FBN2: variants seen among roughly 807,000 people sequenced by gnomAD.
The protein encoded by FBN2 is fibrillin 2, also known as fibrillin-2.
Under a neutral mutation model 355.6 loss-of-function variants are expected in FBN2, and 105 were observed. The ratio of observed to expected loss-of-function variants is 0.30; its 90% confidence interval spans 0.25 to 0.35. The LOEUF (loss-of-function observed/expected upper bound fraction) is 0.35, where lower values mean the gene tolerates loss of function less well. FBN2 is among the 10% of genes least tolerant of loss of function. The pLI is 1.00. For missense variants in FBN2, 3,280 were observed against 3,758.7 expected, an observed-to-expected ratio of 0.87 and a Z score of 3.33; for synonymous variants, 1,350 against 1,301.2, an observed-to-expected ratio of 1.04 and a Z score of -0.81.
At chr5:128,520,211 TC>T (rs1756394578) in intron 4 of FBN2, among the ~76,000 whole-genome samples, 1 of 152,064 alleles carries the variant, frequency 6.6e-6, no homozygotes, top group Non-Finnish European at 1.5e-5. Context: ...CACTCCCCTC[TC>T]CCCACTGAAC....
chr5:128,275,964 C>G (rs1765385046), intron 59 of FBN2, 74 bp downstream of exon 59: 7 of 1,533,392 alleles, frequency 4.6e-6, no homozygotes, highest in Non-Finnish European at 6.3e-6. Flanking sequence ...GGCATAATTC[C>G]TGATAATCTA....
At chr5:128,533,436 A>G (rs1403375313) in intron 2 of FBN2, among the ~76,000 whole-genome samples, 1 of 152,194 alleles carries the variant, frequency 6.6e-6, no homozygotes. Flanking sequence ...ACAGCCTCAG[A>G]CTATGGTACA....
rs1750916326 is a variant in FBN2 at position 128,338,912 on chromosome 5, GGAA to G, written c.3472+18_3472+20del. ...TGCTAGTATGGTTTCAAGCTGGCGAGGAAGAGCTCACGGTGCTTACCCATGCAG... is the reference window on the plus strand; with the variant it reads ...TGCTAGTATGGTTTCAAGCTGGCGAGGAGCTCACGGTGCTTACCCATGCAG... On this transcript the variant is annotated intron_variant, in intron 26 of 64. Coordinates refer to ENST00000262464, the MANE Select transcript of FBN2 (RefSeq NM_001999.4). 1 of 1,613,196 alleles carries G rather than the reference GGAA, an allele frequency of 6.2e-7. No homozygotes were observed. Among genetic ancestry groups the G allele is most frequent in the Non-Finnish European group, 8.5e-7 (1 of 1,179,324 alleles).
At chr5:128,385,400 T>C (rs1752341977) in intron 11 of FBN2, among the ~76,000 whole-genome samples, 1 of 152,206 alleles carries the variant, frequency 6.6e-6, no homozygotes, top group Non-Finnish European at 1.5e-5. Context: ...TTCTTTTTCT[T>C]ATGGCTACAT....
intron 33 of FBN2, among the ~76,000 whole-genome samples, 181 bp from the exon 34 acceptor site, chr5:128,329,002 C>T (rs1409283338): frequency 2.6e-5 from 4 of 152,044 alleles, no homozygotes; most frequent in Non-Finnish European, 5.9e-5. Flanking sequence ...TTATCTTGCC[C>T]CCTAACATTC....
At chr5:128,338,570 T>C (rs910160826) in intron 26 of FBN2, among the ~76,000 whole-genome samples, 3 of 152,134 alleles carry the variant, frequency 2.0e-5, no homozygotes, top group African/African-American at 7.2e-5. Context: ...TTTGTAATAG[T>C]ACACAAATAA....
intron 5 of FBN2, among the ~76,000 whole-genome samples, chr5:128,513,375 C>T (rs550844907): frequency 3.3e-5 from 5 of 152,138 alleles, no homozygotes; most frequent in African/African-American, 1.2e-4. Flanking sequence ...GTTTCTACAC[C>T]AATTAACCTC....
chr5:128,438,002 A>G (rs781472784), intron 7 of FBN2, among the ~76,000 whole-genome samples: 2 of 152,164 alleles, frequency 1.3e-5, no homozygotes, highest in Non-Finnish European at 2.9e-5. Context: ...ATGACTTAAC[A>G]ACATCTCTTT....
At chr5:128,533,287 C>G (rs1353225077) in intron 2 of FBN2, among the ~76,000 whole-genome samples, 1 of 152,140 alleles carries the variant, frequency 6.6e-6, no homozygotes, top group Non-Finnish European at 1.5e-5. Flanking sequence ...AGTACCTCCA[C>G]CCGGGTTCCA....
At chr5:128,367,932 C>T (rs1055097122) in intron 16 of FBN2, among the ~76,000 whole-genome samples, 6 of 151,870 alleles carry the variant, frequency 4.0e-5, no homozygotes, top group Admixed American at 2.6e-4. Context: ...ATTATTTCCA[C>T]GTTTGAAGAC....
chr5:128,286,464 T>C (rs1404217072), intron 55 of FBN2, among the ~76,000 whole-genome samples: 1 of 152,234 alleles, frequency 6.6e-6, no homozygotes, highest in Non-Finnish European at 1.5e-5. Context: ...ACAGAACACA[T>C]ATAGTTTTAT....
intron 5 of FBN2, among the ~76,000 whole-genome samples, chr5:128,505,224 T>A (rs1755923836): frequency 6.6e-6 from 1 of 152,200 alleles, no homozygotes; most frequent in South Asian, 2.1e-4. Context: ...ACAATGGCCA[T>A]CTGCTCCTTG....
intron 6 of FBN2, among the ~76,000 whole-genome samples, chr5:128,453,582 T>C (rs1483299182): frequency 1.3e-5 from 2 of 152,228 alleles, no homozygotes; most frequent in African/African-American, 2.4e-5. Context: ...TTTATTTGGG[T>C]AGTAATTCTT....
Position 128,537,526 on chromosome 5 carries a change from C to G in FBN2, c.78G>C (p.Thr26=), listed in dbSNP as rs1265112696. Residue 26 remains threonine, a synonymous_variant, in exon 1 of 65, where the codon ACG becomes ACC. Coordinates refer to ENST00000262464, the MANE Select transcript of FBN2 (RefSeq NM_001999.4). ...GCGGAGGAGGCTGAGGCTGGCCGGC[C>G]GTGCCCTGCGCCCAGAGCACCACAC... ...LGCVVLWAQG[T]AGQPQPPPPK... 5.1e-6 allele frequency: 8 copies of G among 1,580,692 alleles called. No homozygotes were observed. The highest frequency in any genetic ancestry group is 1.1e-5 in the South Asian group (1 of 87,332).
intron 1 of FBN2, among the ~76,000 whole-genome samples, 177 bp downstream of exon 1, chr5:128,537,173 T>A (rs1373707975): frequency 6.6e-6 from 1 of 150,876 alleles, no homozygotes; most frequent in African/African-American, 2.5e-5. Flanking sequence ...AGCTGCGGGG[T>A]TGGGAAGGAA....
Position 128,369,345 on chromosome 5 carries a change from T to A in FBN2, c.2096-11A>T, listed in dbSNP as rs747533977. Reference sequence around the variant, plus strand: ...TGCGCATGTGAGTATCTAAAGGAGATACAAAAACAATGACTTGAGGCAGTG... The same window carrying A: ...TGCGCATGTGAGTATCTAAAGGAGAAACAAAAACAATGACTTGAGGCAGTG... On this transcript the variant is annotated splice_polypyrimidine_tract_variant and intron_variant, in intron 15 of 64. Coordinates refer to ENST00000262464, the MANE Select transcript of FBN2 (RefSeq NM_001999.4). 6.2e-7 allele frequency: 1 copy of A among 1,613,794 alleles called. No homozygotes were observed. Among genetic ancestry groups the A allele is most frequent in the Admixed American group, 1.7e-5 (1 of 59,942 alleles).
At chr5:128,477,525 T>TTA (rs994179104) in intron 5 of FBN2, among the ~76,000 whole-genome samples, 13 of 152,142 alleles carry the variant, frequency 8.5e-5, no homozygotes, top group East Asian at 3.9e-4. Context: ...TATTATTATG[T>TTA]TATATATATA....
intron 19 of FBN2, among the ~76,000 whole-genome samples, chr5:128,358,710 CA>C (rs1751565243): frequency 6.6e-6 from 1 of 151,828 alleles, no homozygotes; most frequent in Non-Finnish European, 1.5e-5. Flanking sequence ...CATAAAAACA[CA>C]ATGTAAAAAA....
chr5:128,327,621 G>C (rs910534039), intron 34 of FBN2, among the ~76,000 whole-genome samples: 6 of 144,466 alleles, frequency 4.2e-5, no homozygotes, highest in African/African-American at 1.5e-4. Flanking sequence ...GAGTTCTTTT[G>C]TTGGTTTGTT....
Sources: allele counts gnomAD v4.1 joint callset (sites outside exome capture counted in the v4.1 genomes callset), GRCh38; gene constraint gnomAD v4.1.1; transcripts MANE v1.5; gene names NCBI Gene and HGNC (gene_info 2026-07-23, HGNC 2026-07-21).